The following PTPRE variants were observed in gnomAD, a reference collection of about 807,000 sequenced individuals.
PTPRE encodes the protein receptor-type tyrosine-protein phosphatase epsilon.
PTPRE carries 51 observed loss-of-function variants against 102.0 expected under a neutral mutation model. The observed-to-expected ratio is 0.50, with a 90% confidence interval of 0.40 to 0.63. PTPRE has a LOEUF of 0.63. Ranked by LOEUF, PTPRE falls within the 30% of genes least tolerant of loss-of-function variation. The pLI is 0.00. For synonymous variants in PTPRE, 345 were observed against 348.2 expected, an observed-to-expected ratio of 0.99 and a Z score of 0.10; for missense variants, 752 against 915.1, an observed-to-expected ratio of 0.82 and a Z score of 2.30.
chr10:127,943,239 G>GT (rs1412815160), intron 1 of PTPRE, among the ~76,000 whole-genome samples: 1 of 152,124 alleles, frequency 6.6e-6, no homozygotes, highest in African/African-American at 2.4e-5. Context: ...CGTCACAGTG[G>GT]TATTTGTTCA....
At chr10:127,992,934 T>TA (rs1852834594) in intron 2 of PTPRE, among the ~76,000 whole-genome samples, 1 of 152,194 alleles carries the variant, frequency 6.6e-6, no homozygotes, top group African/African-American at 2.4e-5. Flanking sequence ...ATCATAAAGC[T>TA]AAAAAATAAA....
intron 18 of PTPRE, 137 bp downstream of exon 18, chr10:128,076,865 G>T: frequency 2.4e-6 from 3 of 1,250,900 alleles, no homozygotes; most frequent in Non-Finnish European, 1.1e-6. Flanking sequence ...GCTATGAATG[G>T]CCAATGGGTT....
Position 127,942,373 on chromosome 10 carries a change from C to T in PTPRE, c.-31+35064C>T, listed in dbSNP as rs118047058. ...AAAGTATGTTTTTCTTTAAATTGTA[C>T]GACATCCTCGATTTATAAAGCAAAT... On this transcript the variant is annotated intron_variant, in intron 1 of 20. Coordinates refer to ENST00000254667, the MANE Select transcript of PTPRE (RefSeq NM_006504.6). 6.5e-3 allele frequency among the ~76,000 whole-genome samples: 994 copies of T among 152,288 alleles called. 2 individuals carry two copies. Among genetic ancestry groups the T allele is most frequent in the Non-Finnish European group, 0.011 (718 of 68,024 alleles).
At chr10:128,064,033 C>T (rs191545205) in intron 10 of PTPRE, among the ~76,000 whole-genome samples, 2 of 152,328 alleles carry the variant, frequency 1.3e-5, no homozygotes, top group Admixed American at 1.3e-4. Context: ...CTGCTCAGGG[C>T]CTGCTGTGTC....
chr10:127,964,665 A>G (rs73376188), intron 1 of PTPRE, among the ~76,000 whole-genome samples: 5,281 of 151,852 alleles, frequency 0.035, 319 homozygotes, highest in African/African-American at 0.12. Flanking sequence ...AACTCTTCAC[A>G]TTCAAAGGGC....
chr10:128,028,962 C>T lies in PTPRE; in HGVS notation c.-7-11913C>T, dbSNP rs564582924. ...TGCTCAGGGTCCCCCCAGAGGCCTC[C>T]CGCTGGGATTTGTCTCCACTTTGCA... On this transcript the variant is annotated intron_variant, in intron 2 of 20. Transcript: ENST00000254667. This position sits in a 1 kb window ranked among gnomAD's most constrained non-coding sequence, Gnocchi z 4.5. Among the ~76,000 whole-genome samples, 2 of 152,338 alleles carry T rather than the reference C, an allele frequency of 1.3e-5. No individual in the cohort carries two copies. The highest frequency in any genetic ancestry group is 4.8e-5 in the African/African-American group (2 of 41,574).
chr10:127,947,347 C>T lies in PTPRE; in HGVS notation c.-30-34927C>T, dbSNP rs1029972760. ...ATTCACGTGCATTCAAAACTCCTCT[C>T]CTAGGAAAACCTCCCCTGATTGTCT... On this transcript the variant is annotated intron_variant, in intron 1 of 20. Transcript: ENST00000254667. 2.0e-5 allele frequency among the ~76,000 whole-genome samples: 3 copies of T among 152,154 alleles called. No homozygotes were observed. In the East Asian group the frequency reaches 5.8e-4, roughly 29 times the overall value.
In PTPRE at chr10:128,070,424, A is replaced by G. The variant is rs757741022; in HGVS notation, c.1267A>G (p.Lys423Glu). Residue 423 changes from lysine to glutamate, a missense_variant, in exon 14 of 21, where the codon AAG becomes GAG. Lys to Glu is a moderately conservative substitution (Grantham distance 56). Coordinates refer to ENST00000254667, the MANE Select transcript of PTPRE (RefSeq NM_006504.6). This position sits in a 1 kb window ranked among gnomAD's most constrained non-coding sequence, Gnocchi z 4.8. ...TMHGTTTHFD[K>E]IGLEEEFRKL... ...GCACGGCACCACCACCCACTTCGAC[A>G]AGATCGGGCTGGAGGAGGAGTTCAG... 12 of 1,613,976 alleles carry G rather than the reference A, an allele frequency of 7.4e-6. No individual in the cohort carries two copies. The highest frequency in any genetic ancestry group is 1.0e-5 in the Non-Finnish European group (12 of 1,180,002).
chr10:127,977,096 C>T (rs7475525), intron 1 of PTPRE, among the ~76,000 whole-genome samples: 18,381 of 152,114 alleles, frequency 0.12, 1,241 homozygotes, highest in East Asian at 0.18. Context: ...GGTGCTTAAG[C>T]GTTACTGTGA....
At position 128,085,322 on chromosome 10, in the gene PTPRE, T is replaced by C; in HGVS notation, c.*2416T>C. The C allele has an allele frequency of 3.4e-6, 1 of 295,536 alleles. No individual in the cohort carries two copies. The highest frequency in any genetic ancestry group is 6.9e-6 in the Non-Finnish European group (1 of 144,314). The allele number at this position is 295,536 out of a possible 1,614,324, so 18.3% of individuals were successfully genotyped here. The stretch of plus-strand genomic sequence containing the variant: ...TCAGTCAAAGAAAGTCCATTGTACA[T>C]AACAAAACAGCCCCCAAACAGCCCA... On this transcript the variant is annotated 3_prime_UTR_variant, in exon 21 of 21. Transcript: ENST00000254667.
intron 1 of PTPRE, among the ~76,000 whole-genome samples, chr10:127,955,111 G>T (rs1849301720): frequency 6.6e-6 from 1 of 152,036 alleles, no homozygotes. Context: ...GAATACAGAA[G>T]ATCCCCTAGG....
chr10:127,953,257 G>C (rs757846370), intron 1 of PTPRE, among the ~76,000 whole-genome samples: 2 of 152,238 alleles, frequency 1.3e-5, no homozygotes, highest in African/African-American at 4.8e-5. Context: ...TGCGGTGTCA[G>C]TGGCCGATAG....
At chr10:127,927,592 C>T (rs757784444) in intron 1 of PTPRE, among the ~76,000 whole-genome samples, 2 of 152,210 alleles carry the variant, frequency 1.3e-5, no homozygotes, top group Non-Finnish European at 2.9e-5. Context: ...GGCATCTCTG[C>T]AGACCTGAAC....
intron 6 of PTPRE, among the ~76,000 whole-genome samples, chr10:128,052,437 T>G (rs1848631215): frequency 6.6e-6 from 1 of 152,194 alleles, no homozygotes; most frequent in African/African-American, 2.4e-5. Context: ...CTCAGAGAGC[T>G]TGGGCAATTA....
intron 17 of PTPRE, among the ~76,000 whole-genome samples, chr10:128,074,295 G>A (rs79304050): frequency 0.016 from 2,389 of 152,316 alleles, 88 homozygotes; most frequent in East Asian, 0.14. Flanking sequence ...ATTTGCTTGT[G>A]TGGATATACT....
At chr10:128,072,539 C>A (rs1168818870) in intron 16 of PTPRE, 1 of 199,918 alleles carries the variant, frequency 5.0e-6, no homozygotes, top group Non-Finnish European at 1.0e-5. Flanking sequence ...GTAATCCCAG[C>A]TACTTGGGAA....
chr10:128,053,087 A>G (rs920002966), intron 6 of PTPRE, among the ~76,000 whole-genome samples: 2 of 152,098 alleles, frequency 1.3e-5, no homozygotes, highest in African/African-American at 4.8e-5. Context: ...CATCTCTACC[A>G]AAAAACTACA....
intron 3 of PTPRE, among the ~76,000 whole-genome samples, chr10:128,046,873 G>A (rs1016208597): frequency 1.3e-5 from 2 of 152,214 alleles, no homozygotes; most frequent in Non-Finnish European, 2.9e-5. Flanking sequence ...GCCTCTGACA[G>A]GTGGAATCGG....
intron 1 of PTPRE, among the ~76,000 whole-genome samples, chr10:127,975,333 C>A (rs1851067102): frequency 6.6e-6 from 1 of 152,234 alleles, no homozygotes; most frequent in Non-Finnish European, 1.5e-5. Context: ...CTCTTCTTAT[C>A]CGTGCCAATC....
Sources: allele counts gnomAD v4.1 joint callset (sites outside exome capture counted in the v4.1 genomes callset), GRCh38; gene constraint gnomAD v4.1.1; non-coding constraint Gnocchi (gnomAD v3.1); transcripts MANE v1.5; gene names NCBI Gene and HGNC (gene_info 2026-07-23, HGNC 2026-07-21).